The following GLG1 variants were observed in gnomAD, a reference collection of about 807,000 sequenced individuals.
The protein encoded by GLG1 is Golgi apparatus protein 1.
A neutral mutation model predicts 160.5 loss-of-function variants in GLG1; 38 were observed. The ratio of observed to expected loss-of-function variants is 0.24; its 90% confidence interval spans 0.18 to 0.31. GLG1 has a LOEUF of 0.31. Ranked by LOEUF, GLG1 falls within the 10% of genes least tolerant of loss-of-function variation. The probability of loss-of-function intolerance (pLI) is 1.00; values close to 1 mark genes in which losing one functional copy is unlikely to be tolerated. For synonymous variants in GLG1, 644 were observed against 543.4 expected, an observed-to-expected ratio of 1.19 and a Z score of -2.57; for missense variants, 1,373 against 1,505.2, an observed-to-expected ratio of 0.91 and a Z score of 1.45.
chr16:74,501,671 A>G (rs902081511), intron 4 of GLG1, among the ~76,000 whole-genome samples: 2 of 152,152 alleles, frequency 1.3e-5, no homozygotes, highest in African/African-American at 4.8e-5. Context: ...GAGGGTGAAA[A>G]AGCCTCATTT....
In GLG1 at chr16:74,451,918, G is replaced by A; in HGVS notation, c.*1249C>T. ...CATTTAGCCAATGCCTACTAGAGTG[G>A]GTACACGCAGCAAATGGACAGAAAG... On this transcript the variant is annotated 3_prime_UTR_variant, in exon 26 of 26. Coordinates refer to ENST00000422840, the MANE Select transcript of GLG1 (RefSeq NM_001145667.2). 1 of 677,014 alleles carries A rather than the reference G, an allele frequency of 1.5e-6. No individual in the cohort carries two copies. Among genetic ancestry groups the A allele is most frequent in the Admixed American group, 2.4e-5 (1 of 41,796 alleles). 41.9% of individuals were successfully genotyped at this position (677,014 alleles called of 1,614,324 possible).
chr16:74,551,937 TA>T (rs771284009), intron 1 of GLG1, among the ~76,000 whole-genome samples: 59 of 151,394 alleles, frequency 3.9e-4, no homozygotes, highest in Admixed American at 7.3e-4. Flanking sequence ...AAACGGCAAA[TA>T]TCTTTCTAGT....
intron 9 of GLG1, 44 bp from the exon 10 acceptor site, chr16:74,483,168 A>G (rs1182832271): frequency 1.8e-6 from 2 of 1,109,842 alleles, no homozygotes; most frequent in South Asian, 1.2e-5. Flanking sequence ...AGAAGTGTTC[A>G]GAACTCTATG....
At chr16:74,475,219 T>G (rs1426163097) in intron 12 of GLG1, among the ~76,000 whole-genome samples, 1 of 148,384 alleles carries the variant, frequency 6.7e-6, no homozygotes, top group Non-Finnish European at 1.5e-5. Flanking sequence ...AATCTACAAG[T>G]GCAAGGAGAA....
At chr16:74,519,926 G>A (rs1256431575) in intron 2 of GLG1, among the ~76,000 whole-genome samples, 1 of 152,190 alleles carries the variant, frequency 6.6e-6, no homozygotes, top group Non-Finnish European at 1.5e-5. Context: ...CATGTTGTTA[G>A]ATACTCAGTA....
chr16:74,474,731 C>T, intron 12 of GLG1, 99 bp from the exon 13 acceptor site: 1 of 750,084 alleles, frequency 1.3e-6, no homozygotes, highest in South Asian at 1.4e-5. Context: ...TTCAGTGGTC[C>T]TCCTTTCTCT....
chr16:74,474,880 G>T (rs2015341576), intron 12 of GLG1, among the ~76,000 whole-genome samples: 1 of 152,146 alleles, frequency 6.6e-6, no homozygotes, highest in South Asian at 2.1e-4. Flanking sequence ...GCAAAGGCTG[G>T]GCATGATGGC....
intron 1 of GLG1, among the ~76,000 whole-genome samples, chr16:74,587,267 C>T (rs1026784080): frequency 2.0e-5 from 3 of 152,124 alleles, no homozygotes; most frequent in Non-Finnish European, 2.9e-5. Context: ...AGTGGCTTCC[C>T]GGCTGCAACA....
At chr16:74,605,968 A>G (rs1958555876) in intron 1 of GLG1, among the ~76,000 whole-genome samples, 1 of 152,184 alleles carries the variant, frequency 6.6e-6, no homozygotes. Flanking sequence ...CCAAGCAACG[A>G]CAAATGTAGA....
intron 1 of GLG1, among the ~76,000 whole-genome samples, chr16:74,595,233 G>A (rs193248347): frequency 4.4e-4 from 65 of 149,390 alleles, no homozygotes; most frequent in Middle Eastern, 4.0e-3. Flanking sequence ...ACCAATTTAA[G>A]AAGAATTAAA....
At chr16:74,554,293 C>T (rs1032674162) in intron 1 of GLG1, among the ~76,000 whole-genome samples, 9 of 151,474 alleles carry the variant, frequency 5.9e-5, no homozygotes, top group Admixed American at 4.0e-4. Flanking sequence ...CAGAACTTTG[C>T]GGGGCCGAGG....
chr16:74,590,856 G>C (rs979367333), intron 1 of GLG1, among the ~76,000 whole-genome samples: 192 of 138,556 alleles, frequency 1.4e-3, no homozygotes, highest in African/African-American at 5.1e-3. Context: ...CACACTAAAA[G>C]CTGCTATCAA....
intron 2 of GLG1, among the ~76,000 whole-genome samples, chr16:74,522,683 CTTGT>C (rs1313012259): frequency 2.0e-5 from 3 of 151,888 alleles, no homozygotes; most frequent in Non-Finnish European, 4.4e-5. Flanking sequence ...ATATTGTATG[CTTGT>C]TTATTTATTT....
chr16:74,492,087 T>C (rs1466842137), intron 7 of GLG1, among the ~76,000 whole-genome samples: 1 of 151,716 alleles, frequency 6.6e-6, no homozygotes, highest in Non-Finnish European at 1.5e-5. Flanking sequence ...ACAATGTGTA[T>C]TTCAAAAATG....
chr16:74,463,175 CCT>C (rs2014868009), intron 20 of GLG1, 179 bp downstream of exon 20: 5 of 608,220 alleles, frequency 8.2e-6, no homozygotes, highest in Non-Finnish European at 1.1e-5. Flanking sequence ...TCCTCTCTCC[CCT>C]GACTCTCCCT....
chr16:74,581,615 G>T (rs1236388190), intron 1 of GLG1, among the ~76,000 whole-genome samples: 1 of 151,592 alleles, frequency 6.6e-6, no homozygotes, highest in African/African-American at 2.4e-5. Flanking sequence ...ATCTAAAAGG[G>T]AGGACACTCC....
chr16:74,590,016 T>A (rs961218475), intron 1 of GLG1, among the ~76,000 whole-genome samples: 2 of 152,088 alleles, frequency 1.3e-5, no homozygotes, highest in Non-Finnish European at 2.9e-5. Context: ...TTGTTGTTTT[T>A]TTGAGATGGA....
intron 7 of GLG1, among the ~76,000 whole-genome samples, chr16:74,492,149 G>A (rs1397483052): frequency 6.6e-6 from 1 of 150,612 alleles, no homozygotes; most frequent in Non-Finnish European, 1.5e-5. Flanking sequence ...CACTTTGGGA[G>A]GCCGAGGCAG....
chr16:74,463,539 G>T, intron 19 of GLG1, 60 bp from the exon 20 acceptor site: 1 of 1,561,764 alleles, frequency 6.4e-7, no homozygotes, highest in South Asian at 1.2e-5. Flanking sequence ...CTCCATCTGC[G>T]ACCACTTTTT....
Sources: gnomAD v4.1 joint callset for allele counts (sites outside exome capture counted in the v4.1 genomes callset) on GRCh38, gnomAD v4.1.1 for gene constraint, MANE v1.5 for transcripts, NCBI Gene and HGNC (gene_info 2026-07-23, HGNC 2026-07-21) for gene names.